Variants in PIGU observed in about 807,000 individuals in gnomAD.
PIGU encodes GPI-anchor transamidase component PIGU.
In PIGU, 24 loss-of-function variants were observed where a neutral mutation model predicts 49.9. The observed-to-expected ratio is 0.48, with a 90% CI of 0.35 to 0.68. PIGU has a LOEUF of 0.68. Ranked by LOEUF, PIGU falls within the 30% of genes least tolerant of loss-of-function variation. PIGU has a pLI of 0.01. For missense variants in PIGU, 490 were observed against 532.6 expected, an observed-to-expected ratio of 0.92 and a Z score of 0.79; for synonymous variants, 220 against 205.7, an observed-to-expected ratio of 1.07 and a Z score of -0.59.
At chr20:34,584,063 G>C (rs909220426) in intron 9 of PIGU, among the ~76,000 whole-genome samples, 2 of 152,134 alleles carry the variant, frequency 1.3e-5, no homozygotes, top group Non-Finnish European at 2.9e-5. Context: ...CCGGAGCTTG[G>C]CATGGTGCAG....
chr20:34,583,972 C>CTGT (rs1983592319), intron 9 of PIGU, among the ~76,000 whole-genome samples: 1 of 152,206 alleles, frequency 6.6e-6, no homozygotes, highest in East Asian at 1.9e-4. Flanking sequence ...CTAGGCGTAT[C>CTGT]TGTACCTGTC....
At chr20:34,566,078 TCA>T (rs767994146) in intron 11 of PIGU, among the ~76,000 whole-genome samples, 3 of 150,440 alleles carry the variant, frequency 2.0e-5, no homozygotes, top group East Asian at 2.0e-4. Flanking sequence ...CGCACTGCAC[TCA>T]CACACACACA....
At chr20:34,596,157 C>T (rs1374533393) in intron 7 of PIGU, among the ~76,000 whole-genome samples, 1 of 152,226 alleles carries the variant, frequency 6.6e-6, no homozygotes, top group African/African-American at 2.4e-5. Context: ...CGGTACAGTG[C>T]ACTGAGGACA....
At chr20:34,569,170 C>A (rs912474669) in intron 11 of PIGU, among the ~76,000 whole-genome samples, 1 of 151,778 alleles carries the variant, frequency 6.6e-6, no homozygotes, top group Non-Finnish European at 1.5e-5. Context: ...TGCCACTGCA[C>A]CCCAGCCTGG....
intron 7 of PIGU, among the ~76,000 whole-genome samples, chr20:34,595,380 GA>G (rs1159325098): frequency 6.6e-6 from 1 of 152,142 alleles, no homozygotes; most frequent in African/African-American, 2.4e-5. Context: ...AAGTAATCTG[GA>G]GATGACTTAA....
At chr20:34,589,063 T>C (rs967941352) in intron 7 of PIGU, among the ~76,000 whole-genome samples, 1 of 151,574 alleles carries the variant, frequency 6.6e-6, no homozygotes, top group African/African-American at 2.4e-5. Flanking sequence ...TATATGAAAA[T>C]ACTTATGTGT....
At chr20:34,637,365 T>C (rs1157353234) in intron 5 of PIGU, among the ~76,000 whole-genome samples, 1 of 152,196 alleles carries the variant, frequency 6.6e-6, no homozygotes, top group African/African-American at 2.4e-5. Context: ...AACTTAATGG[T>C]AGCACTGGGT....
At chr20:34,670,427 A>G (rs903035603) in intron 1 of PIGU, among the ~76,000 whole-genome samples, 3 of 152,048 alleles carry the variant, frequency 2.0e-5, no homozygotes, top group Non-Finnish European at 4.4e-5. Context: ...AGCTCAAGCA[A>G]TCTACCCACC....
intron 7 of PIGU, among the ~76,000 whole-genome samples, chr20:34,595,923 C>T (rs1984180552): frequency 6.6e-6 from 1 of 152,036 alleles, no homozygotes; most frequent in East Asian, 1.9e-4. Context: ...ACTAAAAATA[C>T]AAAAATTAGC....
intron 7 of PIGU, among the ~76,000 whole-genome samples, chr20:34,601,257 G>A (rs1984413629): frequency 6.6e-6 from 1 of 152,082 alleles, no homozygotes; most frequent in South Asian, 2.1e-4. Context: ...TAAATTTTAA[G>A]TATAATTCTG....
chr20:34,629,393 A>C (rs1268355564), intron 6 of PIGU, among the ~76,000 whole-genome samples: 1 of 152,194 alleles, frequency 6.6e-6, no homozygotes, highest in East Asian at 1.9e-4. Flanking sequence ...TGCATGCCTG[A>C]CTAGGCTTGC....
chr20:34,666,775 C>T (rs1170853139), intron 1 of PIGU, among the ~76,000 whole-genome samples: 2 of 147,950 alleles, frequency 1.4e-5, no homozygotes, highest in African/African-American at 2.5e-5. Flanking sequence ...CGGCTCACTG[C>T]AAACTCCACC....
At chr20:34,674,313 C>T (rs995535514) in intron 1 of PIGU, among the ~76,000 whole-genome samples, 1 of 152,022 alleles carries the variant, frequency 6.6e-6, no homozygotes, top group African/African-American at 2.4e-5. Context: ...CGAGATCGCG[C>T]CATTGCACTC....
chr20:34,581,645 G>T lies in PIGU; in HGVS notation c.954C>A (p.Ile318=). Residue 318 remains isoleucine (I), a synonymous_variant, in exon 10 of 12, where the codon ATC becomes ATA. Transcript: ENST00000217446. ...TAAAGATGGCGATGACAGCGATCTGGATAAACATGAAGAAGATGGGGTGCT... is the reference window on the plus strand; with the variant it reads ...TAAAGATGGCGATGACAGCGATCTGTATAAACATGAAGAAGATGGGGTGCT... The part of the protein sequence containing the change: ...LKEHPIFFMF[I]QIAVIAIFKS... 1 of 1,613,902 alleles carries T rather than the reference G, an allele frequency of 6.2e-7. No homozygotes were observed. Among genetic ancestry groups the T allele is most frequent in the Non-Finnish European group, 8.5e-7 (1 of 1,179,916 alleles).
chr20:34,566,325 GCTCT>G (rs1175950183), intron 11 of PIGU, among the ~76,000 whole-genome samples: 1 of 152,252 alleles, frequency 6.6e-6, no homozygotes, highest in East Asian at 1.9e-4. Flanking sequence ...CACAGGGCCA[GCTCT>G]CTCTGAGTTG....
At chr20:34,638,156 C>G (rs1986027733) in intron 4 of PIGU, among the ~76,000 whole-genome samples, 171 bp from the exon 5 acceptor site, 1 of 152,188 alleles carries the variant, frequency 6.6e-6, no homozygotes, top group African/African-American at 2.4e-5. Flanking sequence ...TTCTGGGTTC[C>G]AGCACCATGA....
intron 7 of PIGU, among the ~76,000 whole-genome samples, chr20:34,610,497 AGG>A (rs549647466): frequency 3.7e-4 from 57 of 152,340 alleles, no homozygotes; most frequent in African/African-American, 1.3e-3. Context: ...ACAACTTACA[AGG>A]GATGTGAAGG....
At chr20:34,637,649 T>C (rs767790991) in intron 5 of PIGU, among the ~76,000 whole-genome samples, 7 of 151,944 alleles carry the variant, frequency 4.6e-5, no homozygotes, top group Non-Finnish European at 2.9e-5. Context: ...TTGTGAAGGG[T>C]TTGATTGTAC....
intron 7 of PIGU, among the ~76,000 whole-genome samples, chr20:34,595,513 G>A (rs939045174): frequency 6.6e-6 from 1 of 152,254 alleles, no homozygotes. Context: ...CACAAATACC[G>A]AGGGAAGACT....
Sources: allele counts gnomAD v4.1 joint callset (sites outside exome capture counted in the v4.1 genomes callset), GRCh38; gene constraint gnomAD v4.1.1; transcripts MANE v1.5; gene names NCBI Gene and HGNC (gene_info 2026-07-23, HGNC 2026-07-21).